SUGCT: variants seen among roughly 807,000 people sequenced by gnomAD.
SUGCT encodes the protein succinyl-CoA:glutarate-CoA transferase.
Under a neutral mutation model 55.0 loss-of-function variants are expected in SUGCT, and 41 were observed. That is an observed-to-expected ratio of 0.74 (90% CI 0.58 to 0.97). The LOEUF is 0.97. SUGCT is among the 50% of genes least tolerant of loss of function. The pLI is 0.00. For missense variants in SUGCT, 568 were observed against 547.8 expected (o/e 1.04, Z -0.37); for synonymous variants, 187 against 200.4 (o/e 0.93, Z 0.56).
At chr7:40,574,413 A>AGTTTTGTTGTTGTTT (rs1281780217) in intron 12 of SUGCT, among the ~76,000 whole-genome samples, 1 of 151,882 alleles carries the variant, frequency 6.6e-6, no homozygotes, top group Non-Finnish European at 1.5e-5. Flanking sequence ...TGGGCCTGTT[A>AGTTTTGTTGTTGTTT]GTTTTGTTGT....
intron 9 of SUGCT, among the ~76,000 whole-genome samples, chr7:40,413,878 A>G (rs531545598): frequency 6.6e-6 from 1 of 152,320 alleles, no homozygotes; most frequent in East Asian, 1.9e-4. Context: ...TCTTTATTAC[A>G]TTGATAAATG....
At chr7:40,459,703 G>A (rs1789688219) in intron 11 of SUGCT, among the ~76,000 whole-genome samples, 1 of 152,148 alleles carries the variant, frequency 6.6e-6, no homozygotes, top group South Asian at 2.1e-4. Flanking sequence ...CCACTCCTGT[G>A]AATCTTGATG....
chr7:40,639,859 A>G (rs1409675684), intron 12 of SUGCT, among the ~76,000 whole-genome samples: 1 of 152,182 alleles, frequency 6.6e-6, no homozygotes, highest in East Asian at 1.9e-4. Context: ...TCTGTAAAGG[A>G]TGTCATTCAG....
At chr7:40,835,160 C>G (rs2128782332) in intron 13 of SUGCT, among the ~76,000 whole-genome samples, 2 of 152,304 alleles carry the variant, frequency 1.3e-5, no homozygotes, top group South Asian at 4.1e-4. Context: ...AAGTTTAATT[C>G]AAACACCCAC....
intron 7 of SUGCT, among the ~76,000 whole-genome samples, chr7:40,243,120 T>G (rs2150899411): frequency 6.7e-6 from 1 of 149,504 alleles, no homozygotes; most frequent in Middle Eastern, 3.4e-3. Flanking sequence ...TCTCTCTCTA[T>G]CATCTGTTTA....
chr7:40,301,416 T>C (rs753082909), intron 8 of SUGCT, among the ~76,000 whole-genome samples: 1 of 152,254 alleles, frequency 6.6e-6, no homozygotes, highest in East Asian at 1.9e-4. Flanking sequence ...CTTGGCATTA[T>C]GTACCTGTAT....
chr7:40,378,396 T>G (rs1286740127), intron 9 of SUGCT, among the ~76,000 whole-genome samples: 1 of 152,242 alleles, frequency 6.6e-6, no homozygotes, highest in East Asian at 1.9e-4. Flanking sequence ...AAATCTGCTA[T>G]TGAGTCCTGG....
At chr7:40,948,070 G>T in the SUGCT span, among the ~76,000 whole-genome samples, 1 of 152,200 alleles carries the variant, frequency 6.6e-6, no homozygotes, top group Non-Finnish European at 1.5e-5. Context: ...TTTGGCAAAA[G>T]AAGTCATGCC....
the SUGCT span, among the ~76,000 whole-genome samples, chr7:41,023,512 A>G: frequency 6.6e-6 from 1 of 152,188 alleles, no homozygotes; most frequent in Non-Finnish European, 1.5e-5. Flanking sequence ...GAATACAAGG[A>G]ACAATTTGTC....
chr7:40,380,434 G>T lies in SUGCT; in HGVS notation c.816+63579G>T, dbSNP rs1481927695. Reference sequence around the variant, plus strand: ...TTTTGTGGAGGAGAGGATTTTCGGAGGTCTTTACCCTGCCATTCGTGCTGA... The same window carrying T: ...TTTTGTGGAGGAGAGGATTTTCGGATGTCTTTACCCTGCCATTCGTGCTGA... On this transcript the variant is annotated intron_variant, in intron 9 of 13. Coordinates refer to ENST00000335693, the MANE Select transcript of SUGCT (RefSeq NM_001193313.2). 3.9e-5 allele frequency among the ~76,000 whole-genome samples: 6 copies of T among 152,092 alleles called. No homozygotes were observed. The East Asian group carries it at 1.2e-3, about 29-fold the overall frequency.
At chr7:40,528,101 AT>A (rs1793901406) in intron 12 of SUGCT, among the ~76,000 whole-genome samples, 1 of 152,130 alleles carries the variant, frequency 6.6e-6, no homozygotes, top group African/African-American at 2.4e-5. Context: ...TCATTTCCTA[AT>A]TTGTAAAATG....
At chr7:40,654,653 C>A in intron 12 of SUGCT, among the ~76,000 whole-genome samples, 1 of 152,174 alleles carries the variant, frequency 6.6e-6, no homozygotes, top group African/African-American at 2.4e-5. Context: ...ACACAAAGAC[C>A]CAAACCAAGT....
At chr7:40,995,174 T>C in the SUGCT span, among the ~76,000 whole-genome samples, 1 of 152,158 alleles carries the variant, frequency 6.6e-6, no homozygotes, top group Non-Finnish European at 1.5e-5. Context: ...GGCCTGGGAA[T>C]AGAGATGACA....
At chr7:40,921,291 G>A in the SUGCT span, among the ~76,000 whole-genome samples, 1 of 152,054 alleles carries the variant, frequency 6.6e-6, no homozygotes, top group African/African-American at 2.4e-5. Flanking sequence ...ATTTGTATGT[G>A]GACTATAGGG....
chr7:40,890,444 T>A, the SUGCT span, among the ~76,000 whole-genome samples: 1 of 146,098 alleles, frequency 6.8e-6, no homozygotes, highest in Non-Finnish European at 1.5e-5. Flanking sequence ...CGCTTCCCTG[T>A]CCCATGCTCT....
intron 6 of SUGCT, among the ~76,000 whole-genome samples, chr7:40,231,613 A>G (rs749031189): frequency 6.6e-6 from 1 of 152,178 alleles, no homozygotes; most frequent in Non-Finnish European, 1.5e-5. Flanking sequence ...GCTGTGGAGA[A>G]CACTAAAAAC....
At chr7:40,962,542 A>G in the SUGCT span, among the ~76,000 whole-genome samples, 4 of 148,662 alleles carry the variant, frequency 2.7e-5, no homozygotes, top group African/African-American at 7.5e-5. Flanking sequence ...AACCCCTACT[A>G]TACGAATTCC....
chr7:40,704,333 G>C (rs529521875), intron 12 of SUGCT, among the ~76,000 whole-genome samples: 2 of 152,276 alleles, frequency 1.3e-5, no homozygotes, highest in East Asian at 3.9e-4. Context: ...GTAATCTGTG[G>C]GAGTATGCAG....
chr7:40,922,341 T>G, the SUGCT span, among the ~76,000 whole-genome samples: 1 of 152,182 alleles, frequency 6.6e-6, no homozygotes, highest in South Asian at 2.1e-4. Flanking sequence ...AGTCCTAATT[T>G]CAGGAAACTC....
Sources: gnomAD v4.1 joint callset for allele counts (sites outside exome capture counted in the v4.1 genomes callset) on GRCh38, gnomAD v4.1.1 for gene constraint, MANE v1.5 for transcripts, NCBI Gene and HGNC (gene_info 2026-07-23, HGNC 2026-07-21) for gene names.